The following DDX60L variants were observed in gnomAD, a reference collection of about 807,000 sequenced individuals.
The protein encoded by DDX60L is DExD/H-box 60 like, also known as probable ATP-dependent RNA helicase DDX60-like.
Under a neutral mutation model 211.6 loss-of-function variants are expected in DDX60L, and 191 were observed. The ratio of observed to expected loss-of-function variants is 0.90; its 90% confidence interval spans 0.80 to 1.02. The LOEUF is 1.02. Among genes scored for constraint, DDX60L ranks in the 50% least tolerant of loss-of-function variants. The pLI is 0.00. For missense variants in DDX60L, 2,007 were observed against 1,984.1 expected (o/e 1.01, Z -0.22); for synonymous variants, 706 against 694.1 (o/e 1.02, Z -0.27).
chr4:168,436,834 A>G (rs1156240530), intron 10 of DDX60L, among the ~76,000 whole-genome samples: 2 of 152,190 alleles, frequency 1.3e-5, no homozygotes, highest in East Asian at 3.8e-4. Flanking sequence ...CCATTGAACT[A>G]GAAGTTAGGA....
At position 168,396,102 on chromosome 4, in the gene DDX60L, C is replaced by A. The variant is rs979977422; in HGVS notation, c.3514G>T (p.Ala1172Ser). The change falls in exon 27 of 38, where the codon GCT (alanine) becomes TCT (serine). Residue 1172 changes from alanine to serine, a missense_variant. Transcript: ENST00000682922. The part of the protein sequence containing the change: ...KRITKKNPKK[A>S]EKLERKKVYR... ...ACTTTTTTTCTTTCCAGTTTTTCAG[C>A]CTTCTTTGGGTTTTTTTTAGTGCTA... 5 of 1,536,382 alleles carry A rather than the reference C, an allele frequency of 3.3e-6. No homozygotes were observed. The highest frequency in any genetic ancestry group is 2.8e-5 in the African/African-American group (2 of 70,948).
At chr4:168,432,124 T>G (rs1277240863) in intron 12 of DDX60L, among the ~76,000 whole-genome samples, 1 of 151,998 alleles carries the variant, frequency 6.6e-6, no homozygotes, top group African/African-American at 2.4e-5. Flanking sequence ...AAATCTCTAT[T>G]TGAATTAACA....
intron 28 of DDX60L, among the ~76,000 whole-genome samples, chr4:168,394,037 C>CA (rs1745327515): frequency 1.3e-5 from 2 of 151,418 alleles, no homozygotes; most frequent in South Asian, 2.1e-4. Context: ...TAATAAAATA[C>CA]AAAAAAAATT....
intron 28 of DDX60L, among the ~76,000 whole-genome samples, chr4:168,393,901 G>A (rs1055296616): frequency 6.6e-6 from 1 of 152,130 alleles, no homozygotes; most frequent in Admixed American, 6.5e-5. Context: ...GTGTTAAAGA[G>A]TAAAGGGTTA....
intron 5 of DDX60L, 29 bp downstream of exon 5, chr4:168,461,670 G>GAC (rs1554020729): frequency 2.3e-6 from 3 of 1,328,718 alleles, no homozygotes; most frequent in East Asian, 5.3e-5. Context: ...AAGAAATCAG[G>GAC]AAAAAAATGA....
chr4:168,418,695 C>T (rs1048436598), intron 19 of DDX60L, among the ~76,000 whole-genome samples: 7 of 152,180 alleles, frequency 4.6e-5, no homozygotes, highest in African/African-American at 9.7e-5. Context: ...ATTCTATTTA[C>T]AGTTCTTTCC....
intron 7 of DDX60L, among the ~76,000 whole-genome samples, 194 bp downstream of exon 7, chr4:168,455,845 A>G (rs757077010): frequency 1.3e-5 from 2 of 152,204 alleles, no homozygotes; most frequent in Non-Finnish European, 2.9e-5. Context: ...TACAGATTCT[A>G]ATTTTTCTCC....
chr4:168,409,730 C>T (rs1010992487), intron 22 of DDX60L, among the ~76,000 whole-genome samples: 2 of 152,130 alleles, frequency 1.3e-5, no homozygotes, highest in African/African-American at 4.8e-5. Flanking sequence ...CATTTAATTC[C>T]TTACTCGTGC....
At chr4:168,444,382 T>C (rs1754423751) in intron 9 of DDX60L, among the ~76,000 whole-genome samples, 1 of 100,658 alleles carries the variant, frequency 9.9e-6, no homozygotes, top group Admixed American at 1.1e-4. Flanking sequence ...ATAAAGCAAG[T>C]CCTGAGTGAC....
chr4:168,434,903 A>G (rs1752833791), intron 10 of DDX60L, among the ~76,000 whole-genome samples: 1 of 152,200 alleles, frequency 6.6e-6, no homozygotes, highest in South Asian at 2.1e-4. Context: ...ATCCCTTTGA[A>G]GAAGGACCCT....
Position 168,430,546 on chromosome 4 carries a change from T to C in DDX60L, c.1609A>G (p.Lys537Glu), listed in dbSNP as rs777291450. The C allele has an allele frequency of 8.1e-6, 13 of 1,611,284 alleles. No homozygotes were observed. Among genetic ancestry groups the C allele is most frequent in the East Asian group, 2.2e-5 (1 of 44,830 alleles). The change falls in exon 13 of 38, where the codon AAA becomes GAA. Residue 537 changes from lysine to glutamate, a missense_variant. Transcript: ENST00000682922. Reference sequence around the variant, plus strand: ...CGAGTAGTTTGAGTCACAATGACTTTCGTAGAGATTGATTCTAACGATTTC... The same window carrying C: ...CGAGTAGTTTGAGTCACAATGACTTCCGTAGAGATTGATTCTAACGATTTC... ...YGKSLESIST[K>E]VIVTQTTRPK... is the part of the protein sequence containing the mutation.
rs1215670639 is a variant in DDX60L, at chr4:168,432,523, T to C, written c.1448A>G (p.Glu483Gly). Residue 483 changes from glutamate (E) to glycine (G), a missense_variant, in exon 12 of 38, where the codon GAA (glutamate) becomes GGA (glycine). By Grantham distance (98) the Glu-to-Gly change is moderately conservative (BLOSUM62 -2). Transcript: ENST00000682922. ...PSLFKQKTSD[E>G]LLHWHAQRLL... ...TCTTTGAGCATGCCAGTGCAAAAGT[T>C]CATCAGATGTCTTTTGTTTAAACAG... 10 of 1,585,260 alleles carry C rather than the reference T, an allele frequency of 6.3e-6. No homozygotes were observed. The East Asian group carries it at 1.8e-4, about 29-fold the overall frequency.
At position 168,468,170 on chromosome 4, in the gene DDX60L, T is replaced by TAATA. The variant is rs74385831; in HGVS notation, c.264+3573_264+3576dup. 5.3e-3 allele frequency among the ~76,000 whole-genome samples: 791 copies of TAATA among 150,218 alleles called. 5 individuals are homozygous for TAATA. Among genetic ancestry groups the TAATA allele is most frequent in the African/African-American group, 0.016 (677 of 41,320 alleles). On this transcript the variant is annotated intron_variant, in intron 4 of 37. Transcript: ENST00000682922. ...CTACAGAGTGAGACTCCATCTCAAA[T>TAATA]AATAAATAAATAAATAAATAAACAA...
chr4:168,419,526 C>T lies in DDX60L; in HGVS notation c.2515-129G>A, dbSNP rs149835183. On this transcript the variant is annotated intron_variant, in intron 18 of 37. Coordinates refer to ENST00000682922, the MANE Select transcript of DDX60L (RefSeq NM_001012967.3). Reference sequence around the variant, plus strand: ...CATTAAGATAATATTGCATCTTTGACGTTTTTCATTTAAGTCTTTACATTT... The same window carrying T: ...CATTAAGATAATATTGCATCTTTGATGTTTTTCATTTAAGTCTTTACATTT... 680 of 515,686 alleles carry T rather than the reference C, an allele frequency of 1.3e-3. 3 individuals are homozygous for T. Among genetic ancestry groups the T allele is most frequent in the African/African-American group, 0.011 (553 of 51,304 alleles). The allele number at this position is 515,686 out of a possible 1,614,324, so 31.9% of individuals were successfully genotyped here. A position where few individuals can be genotyped will look rare whatever the true frequency, so the allele number is the denominator to read the frequency against.
chr4:168,458,337 T>C (rs1756869496), intron 5 of DDX60L, among the ~76,000 whole-genome samples: 1 of 152,154 alleles, frequency 6.6e-6, no homozygotes, highest in Non-Finnish European at 1.5e-5. Flanking sequence ...CATTCTATTA[T>C]AAAGATACAT....
intron 8 of DDX60L, among the ~76,000 whole-genome samples, chr4:168,451,197 T>A (rs943899586): frequency 3.9e-5 from 6 of 152,202 alleles, no homozygotes; most frequent in African/African-American, 1.4e-4. Flanking sequence ...CTAGATGTCC[T>A]CTCATTTTAC....
In DDX60L at chr4:168,406,599, T is replaced by C. The variant is rs1313858637; in HGVS notation, c.3084+3A>G. The C allele has an allele frequency of 6.4e-7, 1 of 1,573,588 alleles. No individual in the cohort carries two copies. Among genetic ancestry groups the C allele is most frequent in the Non-Finnish European group, 8.7e-7 (1 of 1,155,142 alleles). ...TTTGGTGAATATATATTTCTATATT[T>C]ACCTGAGCCCTGGGCCAAGTTTCCC... On this transcript the variant is annotated splice_donor_region_variant and intron_variant, in intron 23 of 37. Transcript: ENST00000682922.
intron 4 of DDX60L, among the ~76,000 whole-genome samples, chr4:168,467,515 A>G (rs1160669472): frequency 1.3e-5 from 2 of 152,028 alleles, no homozygotes; most frequent in African/African-American, 2.4e-5. Context: ...AGGCAATAAG[A>G]GGAAAATAAG....
At chr4:168,373,951 A>G in intron 34 of DDX60L, 143 bp from the exon 35 acceptor site, 1 of 751,030 alleles carries the variant, frequency 1.3e-6, no homozygotes, top group Non-Finnish European at 2.2e-6. Context: ...GCATAAAGTC[A>G]TTAACACAGC....
Sources: gnomAD v4.1 joint callset for allele counts (sites outside exome capture counted in the v4.1 genomes callset) on GRCh38, gnomAD v4.1.1 for gene constraint, MANE v1.5 for transcripts, NCBI Gene and HGNC (gene_info 2026-07-23, HGNC 2026-07-21) for gene names.